Variants in RADX observed in about 807,000 individuals in gnomAD.
RADX encodes the protein RPA1 related single stranded DNA binding protein, X-linked, also known as RPA-related protein RADX.
A neutral mutation model predicts 61.6 loss-of-function variants in RADX; 36 were observed. That is an observed-to-expected ratio of 0.58 (90% CI 0.45 to 0.77). The LOEUF is 0.77. RADX is among the 30% of genes least tolerant of loss of function. The probability of loss-of-function intolerance (pLI) is 0.00; values close to 1 mark genes in which losing one functional copy is unlikely to be tolerated. For synonymous variants in RADX, 272 were observed against 237.9 expected (o/e 1.14, Z -1.32); for missense variants, 497 against 651.1 (o/e 0.76, Z 2.58).
chrX:106,660,657 AT>A (rs1002855998), intron 11 of RADX, among the ~76,000 whole-genome samples: 6 of 110,223 alleles, frequency 5.4e-5, no homozygotes, highest in South Asian at 3.8e-4. Context: ...TCCAAAATCA[AT>A]TTTTTTTTCT....
chrX:106,665,988 A>C (rs1246832844), intron 12 of RADX, among the ~76,000 whole-genome samples: 1 of 111,451 alleles, frequency 9.0e-6, no homozygotes, highest in Non-Finnish European at 1.9e-5. Context: ...CACTTGCCTC[A>C]AATCAATAGA....
At chrX:106,650,422 T>C (rs2147630552) in intron 11 of RADX, among the ~76,000 whole-genome samples, 1 of 110,215 alleles carries the variant, frequency 9.1e-6, no homozygotes, top group Admixed American at 9.7e-5. Flanking sequence ...AAACAATATC[T>C]ACAGAAAATG....
intron 12 of RADX, among the ~76,000 whole-genome samples, chrX:106,668,914 CAG>C (rs1441888936): frequency 2.7e-5 from 3 of 112,277 alleles, no homozygotes; most frequent in Admixed American, 9.4e-5. Context: ...AATCTTCCAT[CAG>C]TAGGGGAAAC....
intron 13 of RADX, among the ~76,000 whole-genome samples, chrX:106,670,548 G>A (rs1928339036): frequency 9.1e-6 from 1 of 110,140 alleles, no homozygotes; most frequent in Non-Finnish European, 1.9e-5. Flanking sequence ...AGAATCACTA[G>A]GGAAGACAAA....
At chrX:106,643,401 G>C (rs764684018) in intron 10 of RADX, among the ~76,000 whole-genome samples, 2 of 110,895 alleles carry the variant, frequency 1.8e-5, no homozygotes, top group Admixed American at 9.6e-5. Context: ...AGAAATTTTT[G>C]CCCAGACGAA....
At chrX:106,661,461 A>G (rs1452235408) in intron 11 of RADX, among the ~76,000 whole-genome samples, 3 of 106,251 alleles carry the variant, frequency 2.8e-5, no homozygotes, top group African/African-American at 1.0e-4. Context: ...TCCTGGCTTC[A>G]AGTGATCCTC....
chrX:106,668,097 G>A (rs1380846817), intron 12 of RADX, among the ~76,000 whole-genome samples: 3 of 111,449 alleles, frequency 2.7e-5, no homozygotes, highest in African/African-American at 9.8e-5. Flanking sequence ...GCGCTAAGTG[G>A]CCTTTAGCTG....
At chrX:106,627,210 A>G (rs764980289) in intron 3 of RADX, among the ~76,000 whole-genome samples, 1 of 111,859 alleles carries the variant, frequency 8.9e-6, no homozygotes, top group South Asian at 3.7e-4. Flanking sequence ...GGACCAAGGC[A>G]TTGCTATGGG....
chrX:106,631,266 T>C (rs528371096), intron 3 of RADX, among the ~76,000 whole-genome samples: 6 of 111,935 alleles, frequency 5.4e-5, no homozygotes, highest in African/African-American at 1.6e-4. Context: ...AACAATTCAA[T>C]AGAACAATGG....
chrX:106,664,607 T>G (rs1202530324), intron 12 of RADX, among the ~76,000 whole-genome samples: 1 of 111,179 alleles, frequency 9.0e-6, no homozygotes, highest in Non-Finnish European at 1.9e-5. Flanking sequence ...TATTATTATA[T>G]AATCCAAGTA....
Position 106,639,553 on chromosome X carries a change from G to A in RADX, c.1600G>A (p.Glu534Lys). The A allele has an allele frequency of 8.3e-7, 1 of 1,197,901 alleles. No homozygotes were observed. The highest frequency in any genetic ancestry group is 1.1e-6 in the Non-Finnish European group (1 of 889,715). ...KVESLLTAIS[E>K]VRKEIEDLQY... ...TGAGTCGCTCTTGACAGCTATAAGT[G>A]AAGTCAGGAAGGAGATTGAAGACTT... is the stretch of plus-strand genomic sequence containing the variant. Residue 534 changes from glutamate (E) to lysine (K), a missense_variant, in exon 9 of 14, where the codon GAA becomes AAA. By Grantham distance (56) the Glu-to-Lys change is moderately conservative (BLOSUM62 1). Coordinates refer to ENST00000372548, the MANE Select transcript of RADX (RefSeq NM_018015.6).
chrX:106,674,328 C>T (rs750930673), intron 13 of RADX, among the ~76,000 whole-genome samples: 49 of 111,632 alleles, frequency 4.4e-4, no homozygotes, highest in Non-Finnish European at 8.3e-4. Context: ...CTGGATTAAA[C>T]GGTTATTCTA....
intron 6 of RADX, 128 bp downstream of exon 6, chrX:106,633,380 T>C (rs1171164889): frequency 2.0e-6 from 1 of 500,271 alleles, no homozygotes; most frequent in Admixed American, 4.3e-5. Context: ...TGACAGCATG[T>C]TTAAATCTTT....
chrX:106,669,422 C>A, intron 13 of RADX, 92 bp downstream of exon 13: 1 of 585,383 alleles, frequency 1.7e-6, no homozygotes, highest in Non-Finnish European at 2.6e-6. Context: ...CAGTTTTAGC[C>A]TTAAAATTTA....
intron 12 of RADX, among the ~76,000 whole-genome samples, chrX:106,667,376 C>G (rs5962714): frequency 0.11 from 11,977 of 110,740 alleles, 1,588 homozygotes; most frequent in African/African-American, 0.38. Flanking sequence ...GAGTACAGTG[C>G]TACAATCTTG....
At chrX:106,622,937 T>C in intron 2 of RADX, 144 bp downstream of exon 2, 1 of 358,061 alleles carries the variant, frequency 2.8e-6, no homozygotes, top group Non-Finnish European at 4.8e-6. Flanking sequence ...TAAATGTATA[T>C]TATAAAGTAT....
chrX:106,651,138 CAT>C (rs1214367413), intron 11 of RADX, among the ~76,000 whole-genome samples: 1 of 110,809 alleles, frequency 9.0e-6, no homozygotes, highest in Non-Finnish European at 1.9e-5. Flanking sequence ...TGTATCTAGA[CAT>C]ATGATATGTG....
chrX:106,620,164 T>C (rs993583390), intron 1 of RADX, among the ~76,000 whole-genome samples: 4 of 112,134 alleles, frequency 3.6e-5, no homozygotes, highest in African/African-American at 1.3e-4. Context: ...AAAGAAGATA[T>C]GAATATCCAC....
chrX:106,639,783 T>TA (rs758096975), intron 9 of RADX, 96 bp downstream of exon 9: 4 of 664,778 alleles, frequency 6.0e-6, no homozygotes, highest in Non-Finnish European at 8.5e-6. Context: ...TCACGTGTAT[T>TA]GACTCTTAAT....
Sources: allele counts gnomAD v4.1 joint callset (sites outside exome capture counted in the v4.1 genomes callset), GRCh38; gene constraint gnomAD v4.1.1; transcripts MANE v1.5; gene names NCBI Gene and HGNC (gene_info 2026-07-23, HGNC 2026-07-21).